The following SLC44A1 variants were observed in gnomAD, a reference collection of about 807,000 sequenced individuals.
SLC44A1 encodes solute carrier family 44 member 1.
A neutral mutation model predicts 79.3 loss-of-function variants in SLC44A1; 26 were observed. The observed-to-expected ratio is 0.33, with a 90% CI of 0.24 to 0.46. SLC44A1 has a LOEUF of 0.46. SLC44A1 is among the 20% of genes least tolerant of loss of function. The pLI is 1.00. For missense variants in SLC44A1, 688 were observed against 798.1 expected (o/e 0.86, Z 1.66); for synonymous variants, 263 against 286.2 (o/e 0.92, Z 0.82).
intron 15 of SLC44A1, among the ~76,000 whole-genome samples, chr9:105,435,226 A>G (rs1459999537): frequency 2.6e-5 from 4 of 152,200 alleles, no homozygotes; most frequent in Admixed American, 1.3e-4. Flanking sequence ...GTGGAACTGA[A>G]AAGGACATCA....
rs1828729312 is a variant in SLC44A1, at chr9:105,390,264, A to T, written c.*1208A>T. 9.6e-7 allele frequency: 1 copy of T among 1,041,246 alleles called. No homozygotes were observed. Among genetic ancestry groups the T allele is most frequent in the African/African-American group, 1.7e-5 (1 of 59,722 alleles). The allele number at this position is 1,041,246 out of a possible 1,614,324, so 64.5% of individuals were successfully genotyped here. ...ATTGTTCTGCTTGTTGTAATGGTGA[A>T]TGCTTTAAGAAAAAAAAGTGTAATT... On this transcript the variant is annotated 3_prime_UTR_variant, in exon 16 of 16. Coordinates refer to ENST00000374720, the MANE Select transcript of SLC44A1 (RefSeq NM_080546.5).
In SLC44A1 at chr9:105,395,787, A is replaced by G; in HGVS notation, c.*6731A>G. The G allele has an allele frequency of 1.0e-6, 1 of 985,344 alleles. No homozygotes were observed. The highest frequency in any genetic ancestry group is 1.2e-6 in the Non-Finnish European group (1 of 829,862). 61.0% of individuals were successfully genotyped at this position (985,344 alleles called of 1,614,324 possible). A position where few individuals can be genotyped will look rare whatever the true frequency, so the allele number is the denominator to read the frequency against. ...AGTAAAAAAAAAGTAGACATTGAAA[A>G]GAAGACTTGGGAATAATTGGGCAGA... On this transcript the variant is annotated 3_prime_UTR_variant, in exon 16 of 16. Coordinates refer to ENST00000374720, the MANE Select transcript of SLC44A1 (RefSeq NM_080546.5).
At chr9:105,348,325 T>TC (rs1303154425) in intron 4 of SLC44A1, 33 bp from the exon 5 acceptor site, 1 of 1,205,282 alleles carries the variant, frequency 8.3e-7, no homozygotes, top group Admixed American at 1.8e-5. Flanking sequence ...TTTCAGACTG[T>TC]TCTGCCACCT....
chr9:105,359,304 C>CA (rs1827713916), intron 7 of SLC44A1, among the ~76,000 whole-genome samples: 1 of 151,524 alleles, frequency 6.6e-6, no homozygotes, highest in Non-Finnish European at 1.5e-5. Context: ...GGAAAATTAC[C>CA]AAAAAAGTAA....
At chr9:105,434,757 C>G (rs1417482669) in intron 15 of SLC44A1, among the ~76,000 whole-genome samples, 1 of 152,172 alleles carries the variant, frequency 6.6e-6, no homozygotes, top group East Asian at 1.9e-4. Flanking sequence ...AGGAAAGACA[C>G]AGCATCCAAG....
intron 13 of SLC44A1, 84 bp from the exon 14 acceptor site, chr9:105,383,039 A>T: frequency 2.2e-6 from 2 of 893,270 alleles, no homozygotes; most frequent in Non-Finnish European, 1.8e-6. Context: ...TATAAATAGT[A>T]GAATTTTAAG....
chr9:105,270,690 G>C (rs889242122), intron 1 of SLC44A1, among the ~76,000 whole-genome samples: 5 of 151,990 alleles, frequency 3.3e-5, no homozygotes, highest in Admixed American at 1.3e-4. Context: ...TTCTTTACTT[G>C]GCTGTATTTT....
chr9:105,319,555 C>T (rs1374162136), intron 3 of SLC44A1, among the ~76,000 whole-genome samples: 1 of 152,082 alleles, frequency 6.6e-6, no homozygotes, highest in African/African-American at 2.4e-5. Context: ...AATTTGATAC[C>T]ATGTGATCCC....
chr9:105,324,145 G>T (rs1826493422), intron 3 of SLC44A1, among the ~76,000 whole-genome samples: 1 of 151,126 alleles, frequency 6.6e-6, no homozygotes, highest in South Asian at 2.1e-4. Context: ...GGGACTACAG[G>T]CGCCCGCCAC....
Position 105,393,481 on chromosome 9 carries a change from T to G in SLC44A1, c.*4425T>G. 2.1e-6 allele frequency: 2 copies of G among 954,522 alleles called. No homozygotes were observed. Among genetic ancestry groups the G allele is most frequent in the Non-Finnish European group, 2.5e-6 (2 of 801,762 alleles). The allele number at this position is 954,522 out of a possible 1,614,324, so 59.1% of individuals were successfully genotyped here. A position where few individuals can be genotyped will look rare whatever the true frequency, so the allele number is the denominator to read the frequency against. ...TCAGATTTCATACATTTGAGCCAAATTCTTATACTCCATGTTTTAATTTTA... is the reference window on the plus strand; with the variant it reads ...TCAGATTTCATACATTTGAGCCAAAGTCTTATACTCCATGTTTTAATTTTA... On this transcript the variant is annotated 3_prime_UTR_variant, in exon 16 of 16. Transcript: ENST00000374720.
chr9:105,326,091 A>T (rs955589691), intron 3 of SLC44A1, among the ~76,000 whole-genome samples: 1 of 152,200 alleles, frequency 6.6e-6, no homozygotes, highest in Non-Finnish European at 1.5e-5. Flanking sequence ...TTAAGAGACC[A>T]GGCAGGTCTT....
intron 12 of SLC44A1, among the ~76,000 whole-genome samples, chr9:105,372,814 G>A (rs1454050998): frequency 6.8e-6 from 1 of 146,880 alleles, no homozygotes; most frequent in East Asian, 2.1e-4. Flanking sequence ...GCCGGGCGTA[G>A]TGGCGGGCGC....
chr9:105,261,368 G>A (rs1396745474), intron 1 of SLC44A1, among the ~76,000 whole-genome samples: 2 of 152,162 alleles, frequency 1.3e-5, no homozygotes, highest in African/African-American at 4.8e-5. Context: ...GGCCCACAGA[G>A]CATAATGAAA....
At chr9:105,349,728 G>C (rs563149664) in intron 5 of SLC44A1, among the ~76,000 whole-genome samples, 2 of 152,100 alleles carry the variant, frequency 1.3e-5, no homozygotes, top group African/African-American at 2.4e-5. Flanking sequence ...TATCCAACTG[G>C]TAAAGTCTGT....
chr9:105,332,150 C>A (rs1484785356), intron 3 of SLC44A1, among the ~76,000 whole-genome samples: 2 of 139,352 alleles, frequency 1.4e-5, no homozygotes, highest in Non-Finnish European at 3.0e-5. Flanking sequence ...GACACAGTCT[C>A]GCTCTGTTGC....
intron 4 of SLC44A1, among the ~76,000 whole-genome samples, chr9:105,340,943 A>G (rs149439993): frequency 1.7e-3 from 263 of 152,352 alleles, no homozygotes; most frequent in African/African-American, 6.0e-3. Context: ...AAGTATGACT[A>G]CAATAGACAG....
At chr9:105,356,686 C>G (rs764552006) in intron 6 of SLC44A1, among the ~76,000 whole-genome samples, 1 of 151,728 alleles carries the variant, frequency 6.6e-6, no homozygotes, top group East Asian at 1.9e-4. Context: ...AATCAACAAC[C>G]CTCTGTTTTT....
chr9:105,249,723 C>A (rs1190073673), intron 1 of SLC44A1, among the ~76,000 whole-genome samples: 1 of 150,360 alleles, frequency 6.7e-6, no homozygotes, highest in Admixed American at 6.6e-5. Flanking sequence ...TTAGTAGAGA[C>A]GAGTTTTCAC....
At chr9:105,430,284 C>A (rs988905040) in intron 15 of SLC44A1, among the ~76,000 whole-genome samples, 13 of 152,264 alleles carry the variant, frequency 8.5e-5, no homozygotes, top group African/African-American at 3.1e-4. Flanking sequence ...ATTAAGATAT[C>A]ATTAACATAT....
Sources: allele counts gnomAD v4.1 joint callset (sites outside exome capture counted in the v4.1 genomes callset), GRCh38; gene constraint gnomAD v4.1.1; transcripts MANE v1.5; gene names NCBI Gene and HGNC (gene_info 2026-07-23, HGNC 2026-07-21).